Variants in PTPRK observed in about 807,000 individuals in gnomAD.
The protein encoded by PTPRK is protein tyrosine phosphatase receptor type K.
Under a neutral mutation model 178.0 loss-of-function variants are expected in PTPRK, and 75 were observed. The ratio of observed to expected loss-of-function variants is 0.42; its 90% CI spans 0.35 to 0.51. PTPRK has a LOEUF of 0.51. Among genes scored for constraint, PTPRK ranks in the 20% least tolerant of loss-of-function variants. The pLI is 0.02. For missense variants in PTPRK, 1,441 were observed against 1,797.8 expected (o/e 0.80, Z 3.59); for synonymous variants, 637 against 620.6 (o/e 1.03, Z -0.39).
chr6:128,049,018 C>T (rs532914158), intron 13 of PTPRK, among the ~76,000 whole-genome samples: 1 of 151,924 alleles, frequency 6.6e-6, no homozygotes, highest in African/African-American at 2.4e-5. Flanking sequence ...TATTGATATC[C>T]AAATGAAATC....
At chr6:128,321,414 T>C (rs557420218) in intron 3 of PTPRK, 55 of 215,106 alleles carry the variant, frequency 2.6e-4, no homozygotes, top group African/African-American at 1.2e-3. Flanking sequence ...ACTGACACTA[T>C]TGATTGTCTG....
chr6:128,406,253 A>C lies in PTPRK; in HGVS notation c.101-8565T>G, dbSNP rs1841642521. On this transcript the variant is annotated intron_variant, in intron 1 of 29. Transcript: ENST00000368226. ...GGGTGGCAGAGTGAGACCCCATCTC[A>C]AAAATAATAATAATAATTATATATA... 2.0e-5 allele frequency among the ~76,000 whole-genome samples: 3 copies of C among 151,926 alleles called. No individual in the cohort carries two copies. In the South Asian group the frequency reaches 6.2e-4, roughly 32 times the overall value.
intron 8 of PTPRK, 113 bp from the exon 9 acceptor site, chr6:128,083,937 A>G: frequency 2.1e-6 from 1 of 483,084 alleles, no homozygotes; most frequent in Non-Finnish European, 3.5e-6. Flanking sequence ...AAAATAAATA[A>G]AAATGTGTCC....
intron 1 of PTPRK, among the ~76,000 whole-genome samples, chr6:128,493,347 G>A (rs1235032231): frequency 6.6e-6 from 1 of 152,078 alleles, no homozygotes; most frequent in Non-Finnish European, 1.5e-5. Context: ...CTGATCACGA[G>A]GTCAGGAGAT....
intron 3 of PTPRK, among the ~76,000 whole-genome samples, chr6:128,267,259 A>C (rs981561543): frequency 1.3e-5 from 2 of 152,126 alleles, no homozygotes; most frequent in African/African-American, 4.8e-5. Flanking sequence ...CAATTTACCA[A>C]GAAGAGAAAT....
At chr6:128,390,186 C>G (rs1457777445) in intron 2 of PTPRK, among the ~76,000 whole-genome samples, 1 of 152,164 alleles carries the variant, frequency 6.6e-6, no homozygotes, top group East Asian at 1.9e-4. Context: ...AAACCCTAGA[C>G]TTTAGTCTGA....
At position 128,241,677 on chromosome 6, in the gene PTPRK, G is replaced by T. The variant is rs550832278; in HGVS notation, c.577+844C>A. On this transcript the variant is annotated intron_variant, in intron 4 of 29. Transcript: ENST00000368226. ...GTAATTGTTTTTCATGGACTGTGAT[G>T]TAAACACAAATTTAGGTACACCATC... is the stretch of plus-strand genomic sequence containing the variant. Among the ~76,000 whole-genome samples, 12 of 152,214 alleles carry T rather than the reference G, an allele frequency of 7.9e-5. No homozygotes were observed. The South Asian group carries it at 1.4e-3, about 18-fold the overall frequency.
chr6:128,424,671 G>A (rs917519400), intron 1 of PTPRK, among the ~76,000 whole-genome samples: 1 of 152,122 alleles, frequency 6.6e-6, no homozygotes, highest in Non-Finnish European at 1.5e-5. Context: ...TCCAGAAAAG[G>A]GAAGAGCTTA....
intron 1 of PTPRK, among the ~76,000 whole-genome samples, chr6:128,462,284 A>T (rs1487516563): frequency 6.6e-6 from 1 of 152,242 alleles, no homozygotes; most frequent in Non-Finnish European, 1.5e-5. Context: ...ATCTACATAC[A>T]TAATTTTAAA....
intron 1 of PTPRK, among the ~76,000 whole-genome samples, chr6:128,477,306 A>C (rs1398620419): frequency 1.3e-5 from 2 of 151,964 alleles, no homozygotes; most frequent in African/African-American, 4.8e-5. Context: ...ACAAAGTTGC[A>C]ATCTCTTTTC....
intron 29 of PTPRK, among the ~76,000 whole-genome samples, chr6:127,970,591 C>A: frequency 6.6e-6 from 1 of 151,606 alleles, no homozygotes; most frequent in Non-Finnish European, 1.5e-5. Context: ...CAATTCTGTA[C>A]AAATATAAAG....
intron 1 of PTPRK, among the ~76,000 whole-genome samples, chr6:128,476,547 T>G (rs774600419): frequency 6.6e-6 from 1 of 152,128 alleles, no homozygotes; most frequent in East Asian, 1.9e-4. Context: ...CATGAATCTT[T>G]AGAAATAATA....
At chr6:128,155,287 AT>A (rs1164658679) in intron 7 of PTPRK, among the ~76,000 whole-genome samples, 1 of 151,508 alleles carries the variant, frequency 6.6e-6, no homozygotes, top group Non-Finnish European at 1.5e-5. Context: ...TCAGTGCTCC[AT>A]TTTTTGGAAT....
chr6:128,379,992 T>C (rs752287927), intron 2 of PTPRK, among the ~76,000 whole-genome samples: 6 of 152,150 alleles, frequency 3.9e-5, no homozygotes, highest in Admixed American at 6.6e-5. Flanking sequence ...ATGCTCAAAG[T>C]AATTTATCTA....
intron 5 of PTPRK, chr6:128,230,753 A>G (rs994333038): frequency 6.6e-6 from 1 of 152,176 alleles, no homozygotes; most frequent in African/African-American, 2.4e-5. Flanking sequence ...CTGAAGGGGC[A>G]GCTCTGCAAA....
chr6:128,432,874 A>G (rs1012999734), intron 1 of PTPRK, among the ~76,000 whole-genome samples: 1 of 151,934 alleles, frequency 6.6e-6, no homozygotes, highest in Non-Finnish European at 1.5e-5. Context: ...TAATCCAGGT[A>G]TATTCACTTA....
At chr6:128,325,870 G>A (rs979714750) in intron 2 of PTPRK, among the ~76,000 whole-genome samples, 8 of 152,112 alleles carry the variant, frequency 5.3e-5, no homozygotes, top group Admixed American at 1.3e-4. Context: ...ACAGGCACAC[G>A]TATGTTTACT....
intron 5 of PTPRK, among the ~76,000 whole-genome samples, chr6:128,229,922 TA>T (rs1170389400): frequency 6.6e-6 from 1 of 152,182 alleles, no homozygotes; most frequent in Non-Finnish European, 1.5e-5. Flanking sequence ...AATAGTAGAT[TA>T]GGGGGAGTAT....
rs149003625 is a variant in PTPRK at position 128,320,046 on chromosome 6, C to T, written c.495+1993G>A. 4.4e-4 allele frequency among the ~76,000 whole-genome samples: 67 copies of T among 152,226 alleles called. No homozygotes were observed. The South Asian group carries it at 7.7e-3, about 17-fold the overall frequency. On this transcript the variant is annotated intron_variant, in intron 3 of 29. Coordinates refer to ENST00000368226, the MANE Select transcript of PTPRK (RefSeq NM_002844.4). ...AATCTGCAACAATGAGACATTTACC[C>T]ATAGGTTCCATGTATTTATTTAGTC...
Sources: allele counts gnomAD v4.1 joint callset (sites outside exome capture counted in the v4.1 genomes callset), GRCh38; gene constraint gnomAD v4.1.1; transcripts MANE v1.5; gene names NCBI Gene and HGNC (gene_info 2026-07-23, HGNC 2026-07-21).